NBN: variants seen among roughly 807,000 people sequenced by gnomAD.
NBN encodes the protein Nijmegen breakage syndrome 1 (nibrin).
A neutral mutation model predicts 90.8 loss-of-function variants in NBN; 88 were observed. The ratio of observed to expected loss-of-function variants is 0.97; its 90% CI spans 0.82 to 1.16. NBN has a LOEUF of 1.16. Ranked by LOEUF, NBN falls within the 50% of genes most tolerant of loss-of-function variation. The pLI is 0.00. For missense variants in NBN, 894 were observed against 869.6 expected (o/e 1.03, Z -0.35); for synonymous variants, 328 against 295.1 (o/e 1.11, Z -1.14).
intron 13 of NBN, among the ~76,000 whole-genome samples, chr8:89,944,250 A>G (rs933195816): frequency 3.9e-5 from 6 of 152,156 alleles, no homozygotes; most frequent in African/African-American, 1.4e-4. Context: ...GTGACCATCA[A>G]ACAGGCTAAC....
rs1350279355 is a variant in NBN at position 89,933,525 on chromosome 8, A to G, written c.*2057T>C. The G allele has an allele frequency of 4.3e-6, 1 of 231,068 alleles. No homozygotes were observed. The allele number at this position is 231,068 out of a possible 1,614,324, so 14.3% of individuals were successfully genotyped here. ...TTTTACTAATTGGCAAGGTAATTTA[A>G]TGAGGAAAGGATAATTCTTTCAATA... On this transcript the variant is annotated 3_prime_UTR_variant, in exon 16 of 16. Coordinates refer to ENST00000265433, the MANE Select transcript of NBN (RefSeq NM_002485.5).
At chr8:89,978,143 A>C (rs1319972210) in intron 5 of NBN, 77 bp downstream of exon 5, 1 of 1,239,326 alleles carries the variant, frequency 8.1e-7, no homozygotes, top group African/African-American at 1.5e-5. Flanking sequence ...ACAAGCATTA[A>C]AGAGGGAATT....
chr8:89,947,624 C>T (rs1228280116), intron 12 of NBN, among the ~76,000 whole-genome samples, 200 bp downstream of exon 12: 1 of 151,706 alleles, frequency 6.6e-6, no homozygotes, highest in Non-Finnish European at 1.5e-5. Flanking sequence ...AGCGAGATTC[C>T]GTCTCAAAAT....
intron 10 of NBN, 48 bp downstream of exon 10, chr8:89,955,235 A>G (rs752096216): frequency 7.7e-6 from 12 of 1,562,284 alleles, no homozygotes; most frequent in East Asian, 2.2e-5. Context: ...AGTATAAAAA[A>G]CTTTCATTTT....
intron 8 of NBN, among the ~76,000 whole-genome samples, chr8:89,960,612 C>CT (rs1410734883): frequency 1.3e-4 from 20 of 152,044 alleles, no homozygotes; most frequent in African/African-American, 4.6e-4. Context: ...GATCATGCCA[C>CT]TGTACTCCAG....
At chr8:89,961,931 G>T (rs1434303955) in intron 8 of NBN, among the ~76,000 whole-genome samples, 1 of 152,196 alleles carries the variant, frequency 6.6e-6, no homozygotes, top group Non-Finnish European at 1.5e-5. Flanking sequence ...GGTACTGGCT[G>T]TGAGAAGGGG....
Position 89,958,585 on chromosome 8 carries a change from A to C in NBN, c.1124+140T>G. On this transcript the variant is annotated intron_variant, in intron 9 of 15. Coordinates refer to ENST00000265433, the MANE Select transcript of NBN (RefSeq NM_002485.5). ...CAGAAAACCTGCTGACCCTTGTCCT[A>C]AGATATCATTTTCCCTGGTATCCCA... The C allele has an allele frequency of 6.6e-6, 7 of 1,067,040 alleles. No individual in the cohort carries two copies. The South Asian group carries it at 9.5e-5, about 14-fold the overall frequency. The allele number at this position is 1,067,040 out of a possible 1,614,324, so 66.1% of individuals were successfully genotyped here.
intron 13 of NBN, among the ~76,000 whole-genome samples, chr8:89,943,611 C>A (rs1184915505): frequency 6.6e-6 from 1 of 152,112 alleles, no homozygotes; most frequent in East Asian, 1.9e-4. Context: ...TAATTTAACA[C>A]TTTTCATTTG....
intron 14 of NBN, 198 bp from the exon 15 acceptor site, chr8:89,937,273 T>C (rs1809736723): frequency 3.4e-6 from 2 of 582,678 alleles, no homozygotes; most frequent in African/African-American, 3.7e-5. Context: ...ACAAAAGAGC[T>C]CTAACTAAAC....
chr8:89,955,150 G>A (rs1810636857), intron 10 of NBN, 133 bp downstream of exon 10: 1 of 829,052 alleles, frequency 1.2e-6, no homozygotes, highest in Non-Finnish European at 1.9e-6. Flanking sequence ...TTTCTGAGAG[G>A]GAAAGCGGTC....
At chr8:89,973,311 A>G (rs1244649870) in intron 5 of NBN, among the ~76,000 whole-genome samples, 1 of 152,256 alleles carries the variant, frequency 6.6e-6, no homozygotes, top group Non-Finnish European at 1.5e-5. Context: ...ACATCCTTCA[A>G]TTCCCTCAAG....
chr8:89,941,010 C>A (rs747382559), intron 14 of NBN, among the ~76,000 whole-genome samples: 4 of 151,974 alleles, frequency 2.6e-5, no homozygotes, highest in Non-Finnish European at 4.4e-5. Flanking sequence ...TATAGACACA[C>A]CTGAAATGTA....
In NBN at chr8:89,970,554, T is replaced by C. The variant is rs1060503482; in HGVS notation, c.706A>G (p.Lys236Glu). 3.7e-6 allele frequency: 6 copies of C among 1,613,228 alleles called. No homozygotes were observed. The highest frequency in any genetic ancestry group is 5.1e-6 in the Non-Finnish European group (6 of 1,179,226). The stretch of plus-strand genomic sequence containing the variant: ...AAGACAACTGCGGAACTCAATTTCT[T>C]ATGCTAAAAATGGAAGGAAACATTT... ...TFIFLNAKQH[K>E]KLSSAVVFGG... The change falls in exon 7 of 16, where the codon AAG becomes GAG. Residue 236 changes from lysine (K) to glutamate (E), a missense_variant. Transcript: ENST00000265433.
chr8:89,976,241 T>A (rs1811750112), intron 5 of NBN, among the ~76,000 whole-genome samples: 1 of 152,206 alleles, frequency 6.6e-6, no homozygotes, highest in South Asian at 2.1e-4. Flanking sequence ...CCCGAAGTGC[T>A]GGGATTACAG....
rs1288561801 is a variant in NBN, at chr8:89,967,219, CTGAG to C, written c.897-2716_897-2713del. 2.6e-5 allele frequency among the ~76,000 whole-genome samples: 4 copies of C among 152,304 alleles called. No homozygotes were observed. In the East Asian group the frequency reaches 5.8e-4, roughly 22 times the overall value. On this transcript the variant is annotated intron_variant, in intron 7 of 15. Coordinates refer to ENST00000265433, the MANE Select transcript of NBN (RefSeq NM_002485.5). ...ACTGGTGTGTCCAAATTGTACCAGT[CTGAG>C]TGAGTGTGGGTGGGTGTGTCAGTGT...
At chr8:89,955,582 T>C (rs1390820871) in intron 9 of NBN, 27 bp from the exon 10 acceptor site, 4 of 1,606,762 alleles carry the variant, frequency 2.5e-6, no homozygotes, top group African/African-American at 2.7e-5. Context: ...GAATGCAAGG[T>C]AAATAATCAA....
chr8:89,980,978 C>G, intron 3 of NBN, 85 bp from the exon 4 acceptor site: 1 of 1,131,440 alleles, frequency 8.8e-7, no homozygotes, highest in Non-Finnish European at 1.3e-6. Flanking sequence ...TTTAAGCTCA[C>G]ATCATATACT....
intron 14 of NBN, among the ~76,000 whole-genome samples, chr8:89,942,294 T>C (rs998342557): frequency 6.6e-6 from 1 of 152,164 alleles, no homozygotes; most frequent in Admixed American, 6.5e-5. Flanking sequence ...TATTAATACA[T>C]ACTAACTGTC....
Position 89,952,907 on chromosome 8 carries a change from T to C in NBN, c.1845+337A>G, listed in dbSNP as rs916931927. On this transcript the variant is annotated intron_variant, in intron 11 of 15. Coordinates refer to ENST00000265433, the MANE Select transcript of NBN (RefSeq NM_002485.5). ...CTAAAAATTTATTGAGTAGATACTT[T>C]GTTTTACTAACTTCATCTTTCTGTG... 3.9e-5 allele frequency among the ~76,000 whole-genome samples: 6 copies of C among 152,322 alleles called. No individual in the cohort carries two copies. The East Asian group carries it at 1.2e-3, about 29-fold the overall frequency.
Sources: allele counts gnomAD v4.1 joint callset (sites outside exome capture counted in the v4.1 genomes callset), GRCh38; gene constraint gnomAD v4.1.1; transcripts MANE v1.5; gene names NCBI Gene and HGNC (gene_info 2026-07-23, HGNC 2026-07-21).